Variants in PABPC4 observed in about 807,000 individuals in gnomAD.
PABPC4 encodes the protein poly(A) binding protein cytoplasmic 4.
A neutral mutation model predicts 74.5 loss-of-function variants in PABPC4; 15 were observed. The observed-to-expected ratio is 0.20, with a 90% CI of 0.13 to 0.31. PABPC4 has a LOEUF of 0.31. Among genes scored for constraint, PABPC4 ranks in the 10% least tolerant of loss-of-function variants. The pLI, the probability that PABPC4 is intolerant of heterozygous loss-of-function variation, is 1.00. For missense variants in PABPC4, 610 were observed against 853.5 expected (o/e 0.71, Z 3.55); for synonymous variants, 345 against 303.0 (o/e 1.14, Z -1.44).
rs1243636721 is a variant in PABPC4 at position 39,562,164 on chromosome 1, T to C, written c.1802A>G (p.Asn601Ser). Residue 601 changes from asparagine (N) to serine (S), a missense_variant, in exon 14 of 16, where the codon AAT becomes AGT. Asn to Ser is a conservative substitution (Grantham distance 46). Transcript: ENST00000372858. ...LFPLIQTMHS[N>S]LAGKITGMLL... The stretch of plus-strand genomic sequence containing the variant: ...CATTCCCGTGATCTTCCCAGCCAGA[T>C]TTGAATGCATTGTTTGGATGAGTGG... The C allele has an allele frequency of 6.2e-7, 1 of 1,614,158 alleles. No homozygotes were observed. Among genetic ancestry groups the C allele is most frequent in the East Asian group, 2.2e-5 (1 of 44,886 alleles).
intron 6 of PABPC4, chr1:39,568,101 C>G (rs1645878752): frequency 3.4e-6 from 1 of 294,792 alleles, no homozygotes; most frequent in African/African-American, 2.2e-5. Context: ...ACTAAAAATA[C>G]AAAAAATTAG....
At position 39,562,624 on chromosome 1, in the gene PABPC4, C is replaced by A. The variant is rs973094831; in HGVS notation, c.1669-208G>T. On this transcript the variant is annotated intron_variant, in intron 12 of 15. Transcript: ENST00000372858. ...GTATGGACATAAACACAACCAATTA[C>A]AATGAAAATGGCATGCTATCAGAAA... 10 of 453,754 alleles carry A rather than the reference C, an allele frequency of 2.2e-5. No individual in the cohort carries two copies. In the Admixed American group the frequency reaches 2.3e-4, roughly 10 times the overall value. 28.1% of individuals were successfully genotyped at this position (453,754 alleles called of 1,614,324 possible).
intron 3 of PABPC4, 58 bp from the exon 4 acceptor site, chr1:39,570,060 G>A: frequency 1.3e-6 from 2 of 1,533,592 alleles, no homozygotes; most frequent in East Asian, 2.2e-5. Context: ...TGATGTCCAG[G>A]GACCCAAAGG....
chr1:39,564,433 A>C lies in PABPC4; in HGVS notation c.1443T>G (p.Thr481=). Residue 481 remains threonine, a synonymous_variant, in exon 10 of 16, where the codon ACT becomes ACG. Coordinates refer to ENST00000372858, the MANE Select transcript of PABPC4 (RefSeq NM_001135653.2). ...APASRGLPTT[T]QRVGSECPDR... ...GGCCAGTTTGCTCACCGACTCTCTG[A>C]GTGGTAGTAGGGAGGCCACGAGAGG... The C allele has an allele frequency of 6.2e-7, 1 of 1,613,846 alleles. No individual in the cohort carries two copies. The highest frequency in any genetic ancestry group is 8.5e-7 in the Non-Finnish European group (1 of 1,179,980).
In PABPC4 at chr1:39,576,098, T is replaced by C; in HGVS notation, c.-147A>G. On this transcript the variant is annotated 5_prime_UTR_variant, in exon 1 of 16. Transcript: ENST00000372858. ...CGAGGACGAGCTGGAGTCGGCGGGC[T>C]TGGAGACGGGACGGAAACGGGAGGC... 1.8e-6 allele frequency: 1 copy of C among 551,854 alleles called. No individual in the cohort carries two copies. Among genetic ancestry groups the C allele is most frequent in the Non-Finnish European group, 3.1e-6 (1 of 323,080 alleles). 34.2% of individuals were successfully genotyped at this position (551,854 alleles called of 1,614,324 possible).
intron 10 of PABPC4, 49 bp from the exon 11 acceptor site, chr1:39,563,971 C>T: frequency 1.3e-6 from 2 of 1,542,182 alleles, no homozygotes; most frequent in Non-Finnish European, 9.0e-7. Context: ...AGATGTCCAA[C>T]TGGCCACGTC....
chr1:39,563,241 A>C (rs530268782), intron 12 of PABPC4: 1 of 206,104 alleles, frequency 4.9e-6, no homozygotes, highest in African/African-American at 2.3e-5. Context: ...CCGATCTGTA[A>C]GTTGAAGTTA....
rs760362806 is a variant in PABPC4 at position 39,561,807 on chromosome 1, G to C, written c.1894-20C>G. ...ATCCACCTGCGAGAAATCTTCAGGT[G>C]GTCAGTGAATCTAGGAGAGCTACTC... On this transcript the variant is annotated intron_variant, in intron 14 of 15. Coordinates refer to ENST00000372858, the MANE Select transcript of PABPC4 (RefSeq NM_001135653.2). 1 of 1,604,620 alleles carries C rather than the reference G, an allele frequency of 6.2e-7. No individual in the cohort carries two copies. Among genetic ancestry groups the C allele is most frequent in the Non-Finnish European group, 8.5e-7 (1 of 1,171,658 alleles).
chr1:39,561,032 T>C lies in PABPC4; in HGVS notation c.*104A>G. ...AAAATGACCTATTAAATTTGCAATTTGTAATCCTTGGTGTTGAGGTCCATA... is the reference window on the plus strand; with the variant it reads ...AAAATGACCTATTAAATTTGCAATTCGTAATCCTTGGTGTTGAGGTCCATA... On this transcript the variant is annotated 3_prime_UTR_variant, in exon 16 of 16. Coordinates refer to ENST00000372858, the MANE Select transcript of PABPC4 (RefSeq NM_001135653.2). The C allele has an allele frequency of 7.2e-6, 3 of 415,326 alleles. No homozygotes were observed. The highest frequency in any genetic ancestry group is 1.7e-5 in the South Asian group (1 of 57,472). 25.7% of individuals were successfully genotyped at this position (415,326 alleles called of 1,614,324 possible).
chr1:39,575,602 A>C lies in PABPC4; in HGVS notation c.193+157T>G, dbSNP rs143736578. On this transcript the variant is annotated intron_variant, in intron 1 of 15. Coordinates refer to ENST00000372858, the MANE Select transcript of PABPC4 (RefSeq NM_001135653.2). ...ACAAGATTGAAACTCGAGTCATCTG[A>C]TGCCAGGTCCGCGTTCTCAATCTCC... is the stretch of plus-strand genomic sequence containing the variant. Among the ~76,000 whole-genome samples the C allele has an allele frequency of 3.4e-3, 517 of 152,282 alleles. 2 individuals carry two copies. The highest frequency in any genetic ancestry group is 0.012 in the African/African-American group (485 of 41,552).
chr1:39,563,310 G>C (rs1260496191), intron 12 of PABPC4: 1 of 322,794 alleles, frequency 3.1e-6, no homozygotes, highest in East Asian at 6.5e-5. Flanking sequence ...ATAGGTCATT[G>C]GATGCGGAAG....
chr1:39,574,585 A>G (rs190103758), intron 1 of PABPC4, among the ~76,000 whole-genome samples: 21 of 152,338 alleles, frequency 1.4e-4, no homozygotes, highest in Admixed American at 1.2e-3. Flanking sequence ...TCCTATGGCC[A>G]TGGACAGAAC....
rs1646029380 is a variant in PABPC4 at position 39,576,539 on chromosome 1, G to A, written c.-588C>T. The A allele has an allele frequency of 6.7e-6, 1 of 150,066 alleles. No individual in the cohort carries two copies. The highest frequency in any genetic ancestry group is 1.5e-5 in the Non-Finnish European group (1 of 67,104). The allele number at this position is 150,066 out of a possible 1,614,324, so 9.3% of individuals were successfully genotyped here. A position where few individuals can be genotyped will look rare whatever the true frequency, so the allele number is the denominator to read the frequency against. On this transcript the variant is annotated 5_prime_UTR_variant, in exon 1 of 16. Transcript: ENST00000372858. ...GCGGGGGGAGGGCACGGCGGGCCGG[G>A]CGGGCGGCTCACCCCCGGACCGACG...
At position 39,568,909 on chromosome 1, in the gene PABPC4, T is replaced by A; in HGVS notation, c.769A>T (p.Ser257Cys). The change falls in exon 6 of 16, where the codon AGT becomes TGT. Residue 257 changes from serine (S) to cysteine (C), a missense_variant. Physicochemically the swap from Ser to Cys is moderately radical, Grantham distance 112 (BLOSUM62 -1). Transcript: ENST00000372858. The part of the protein sequence containing the change: ...AVEEMNGKEI[S>C]GKIIFVGRAQ... ...CGGCCTACAAATATGATTTTACCAC[T>A]TATTTCTTTTCCATTCATCTCTTCC... The A allele has an allele frequency of 1.2e-6, 2 of 1,613,872 alleles. No homozygotes were observed. Among genetic ancestry groups the A allele is most frequent in the Non-Finnish European group, 1.7e-6 (2 of 1,179,930 alleles).
chr1:39,569,367 T>C, intron 5 of PABPC4: 1 of 574,226 alleles, frequency 1.7e-6, no homozygotes, highest in African/African-American at 1.9e-5. Flanking sequence ...GTCTGTCCTA[T>C]TCTTTCAACA....
intron 1 of PABPC4, 151 bp downstream of exon 1, chr1:39,575,608 G>T: frequency 1.7e-6 from 1 of 584,022 alleles, no homozygotes; most frequent in Non-Finnish European, 2.9e-6. Context: ...TCTGATGCCA[G>T]GTCCGCGTTC....
rs748369604 is a variant in PABPC4, at chr1:39,572,589, G to A, written c.194-3C>T. The A allele has an allele frequency of 1.2e-6, 2 of 1,610,410 alleles. No individual in the cohort carries two copies. Among genetic ancestry groups the A allele is most frequent in the East Asian group, 2.2e-5 (1 of 44,852 alleles). ...CATGGTGTCCAAAGCCCGCTCAGCT[G>A]TAAGAGAGAAACACATTTCAATAAG... On this transcript the variant is annotated splice_polypyrimidine_tract_variant and splice_region_variant and intron_variant, in intron 1 of 15. Transcript: ENST00000372858.
Position 39,562,332 on chromosome 1 carries a change from G to C in PABPC4, c.1753C>G (p.Gln585Glu). The C allele has an allele frequency of 6.2e-7, 1 of 1,613,916 alleles. No homozygotes were observed. Among genetic ancestry groups the C allele is most frequent in the Non-Finnish European group, 8.5e-7 (1 of 1,179,876 alleles). ...LAAAPPQEQK[Q>E]MLGERLFPLI... ...CAAGTGGGTCACTCACCCAGCATCT[G>C]CTTCTGTTCCTGGGGGGGTGCTGCA... Residue 585 changes from glutamine (Q) to glutamate (E), a missense_variant, in exon 13 of 16, where the codon CAG becomes GAG. This residue lies in a region of PABPC4 where 277 missense variants were observed against 301.8 expected (regional missense o/e 0.92). Transcript: ENST00000372858.
intron 14 of PABPC4, 120 bp from the exon 15 acceptor site, chr1:39,561,907 A>G: frequency 2.6e-6 from 3 of 1,174,498 alleles, no homozygotes; most frequent in South Asian, 2.9e-5. Context: ...TTCTGGTGCT[A>G]ACTACTTTCC....
Sources: gnomAD v4.1 joint callset for allele counts (sites outside exome capture counted in the v4.1 genomes callset) on GRCh38, gnomAD v4.1.1 for gene constraint, gnomAD v4.1.1 regional missense constraint, MANE v1.5 for transcripts, NCBI Gene and HGNC (gene_info 2026-07-23, HGNC 2026-07-21) for gene names.